Variants in ZNF839 observed in about 807,000 individuals in gnomAD.
ZNF839 encodes the protein renal carcinoma antigen NY-REN-50.
In ZNF839, 38 loss-of-function variants were observed where a neutral mutation model predicts 56.4. The ratio of observed to expected loss-of-function variants is 0.67; its 90% CI spans 0.52 to 0.88. ZNF839 has a LOEUF of 0.88. Ranked by LOEUF, ZNF839 falls within the 40% of genes least tolerant of loss-of-function variation. The pLI is 0.00. For missense variants in ZNF839, 1,091 were observed against 1,177.6 expected (o/e 0.93, Z 1.08); for synonymous variants, 486 against 493.5 (o/e 0.98, Z 0.20).
intron 5 of ZNF839, chr14:102,337,430 A>G (rs1453807282): frequency 2.0e-5 from 3 of 152,156 alleles, no homozygotes; most frequent in African/African-American, 7.2e-5. Flanking sequence ...CAGCCTTCCG[A>G]AGTGCTGGGA....
chr14:102,328,497 G>A (rs2073593050), intron 2 of ZNF839, among the ~76,000 whole-genome samples: 1 of 147,894 alleles, frequency 6.8e-6, no homozygotes, highest in Non-Finnish European at 1.5e-5. Context: ...TGGTTCAGGG[G>A]TATTAAACAC....
intron 5 of ZNF839, chr14:102,337,386 C>T (rs1885889821): frequency 1.3e-5 from 2 of 152,132 alleles, no homozygotes; most frequent in South Asian, 2.1e-4. Context: ...CCAGGCTGGT[C>T]TTGAACTCCT....
At chr14:102,334,511 T>C (rs1310565453) in intron 3 of ZNF839, 43 bp from the exon 4 acceptor site, 3 of 1,456,604 alleles carry the variant, frequency 2.1e-6, no homozygotes, top group Non-Finnish European at 2.9e-6. Context: ...ATTGGGAAAT[T>C]CTTACGGGAC....
intron 7 of ZNF839, among the ~76,000 whole-genome samples, chr14:102,339,954 G>A (rs2896439): frequency 0.51 from 77,667 of 151,738 alleles, 22,365 homozygotes; most frequent in Non-Finnish European, 0.65. Context: ...CTATCAACTA[G>A]GCACTTAAAA....
At position 102,342,140 on chromosome 14, in the gene ZNF839, G is replaced by T; in HGVS notation, c.2745G>T (p.Val915=). ...IVSQEEDIVT[V]TDAEGRACGW... is the part of the protein sequence containing the mutation. ...CTCAGGAGGAGGACATTGTCACAGT[G>T]ACTGATGCAGAGGGGCGTGCCTGCG... Residue 915 remains valine (V), a synonymous_variant, in exon 8 of 8, where the codon GTG becomes GTT. Coordinates refer to ENST00000442396, the MANE Select transcript of ZNF839 (RefSeq NM_018335.6). The T allele has an allele frequency of 6.2e-7, 1 of 1,613,370 alleles. No individual in the cohort carries two copies. The highest frequency in any genetic ancestry group is 1.1e-5 in the South Asian group (1 of 91,022).
At chr14:102,320,438 C>A (rs1285221205) in intron 1 of ZNF839, among the ~76,000 whole-genome samples, 1 of 152,170 alleles carries the variant, frequency 6.6e-6, no homozygotes, top group East Asian at 1.9e-4. Context: ...GGAGGTGAAG[C>A]CTTGAACACA....
chr14:102,335,652 A>G (rs138225744), intron 4 of ZNF839, 37 bp from the exon 5 acceptor site: 1 of 1,552,722 alleles, frequency 6.4e-7, no homozygotes, highest in Non-Finnish European at 8.6e-7. Flanking sequence ...CAGTGCCTTG[A>G]GTTTAAACTT....
At chr14:102,331,956 T>A (rs1245870318) in intron 3 of ZNF839, 110 bp downstream of exon 3, 1 of 885,368 alleles carries the variant, frequency 1.1e-6, no homozygotes, top group Non-Finnish European at 1.7e-6. Context: ...GTCATTGCAT[T>A]AAGTGTGTGA....
upstream of ZNF839, among the ~76,000 whole-genome samples, chr14:102,318,426 G>A (rs998916632): frequency 2.0e-5 from 3 of 152,048 alleles, no homozygotes; most frequent in African/African-American, 4.8e-5. Flanking sequence ...TAAGGTCAGG[G>A]TTTCAAGACC....
chr14:102,326,451 G>A lies in ZNF839; in HGVS notation c.755G>A (p.Arg252Gln), dbSNP rs2073414377. The change falls in exon 2 of 8, where the codon CGG (arginine) becomes CAG (glutamine). Residue 252 changes from arginine to glutamine, a missense_variant. By Grantham distance (43) the Arg-to-Gln change is conservative. This residue lies in a region of ZNF839 where 614 missense variants were observed against 629.2 expected (regional missense o/e 0.98). Coordinates refer to ENST00000442396, the MANE Select transcript of ZNF839 (RefSeq NM_018335.6). This position sits in a 1 kb window ranked among gnomAD's most constrained non-coding sequence, Gnocchi z 4.3. ...KSLKVKTRSG[R>Q]VSRPPKYKAK... ...TTAAAAGTAAAGACACGTTCTGGAC[G>A]GGTATCTCGACCTCCCAAATATAAA... 2.5e-6 allele frequency: 4 copies of A among 1,613,934 alleles called. No homozygotes were observed. The highest frequency in any genetic ancestry group is 1.7e-5 in the Admixed American group (1 of 60,004).
At chr14:102,321,619 CG>C (rs1469931013) in intron 1 of ZNF839, among the ~76,000 whole-genome samples, 3 of 152,122 alleles carry the variant, frequency 2.0e-5, no homozygotes, top group Admixed American at 2.0e-4. Flanking sequence ...AAACCGGATG[CG>C]TACTTTGCCC....
chr14:102,319,940 C>A lies in ZNF839; in HGVS notation c.175C>A (p.Pro59Thr), dbSNP rs1011423192. 8.3e-7 allele frequency: 1 copy of A among 1,198,732 alleles called. No individual in the cohort carries two copies. The highest frequency in any genetic ancestry group is 2.9e-5 in the South Asian group (1 of 34,194). 74.3% of individuals were successfully genotyped at this position (1,198,732 alleles called of 1,614,324 possible). The change falls in exon 1 of 8, where the codon CCC becomes ACC. Residue 59 changes from proline (P) to threonine (T), a missense_variant. Pro to Thr is a conservative substitution (Grantham distance 38). Coordinates refer to ENST00000442396, the MANE Select transcript of ZNF839 (RefSeq NM_018335.6). This position sits in a 1 kb window ranked among gnomAD's most constrained non-coding sequence, Gnocchi z 4.5. ...GGCGCAGCCGCCGCCGCCGCCGCCC[C>A]CCTTCGTGCTGCGGGACGCGGCGCG... ...TKAQPPPPPPPFVLRDAARRL... is the reference protein window; with the variant it reads ...TKAQPPPPPPTFVLRDAARRL...
At position 102,332,552 on chromosome 14, in the gene ZNF839, A is replaced by G. The variant is rs1451621014; in HGVS notation, c.1416+706A>G. Among the ~76,000 whole-genome samples the G allele has an allele frequency of 6.6e-6, 1 of 152,210 alleles. No individual in the cohort carries two copies. The highest frequency in any genetic ancestry group is 2.4e-5 in the African/African-American group (1 of 41,458). On this transcript the variant is annotated intron_variant, in intron 3 of 7. Transcript: ENST00000442396. The surrounding 1 kb of genome is among the most constrained non-coding windows in gnomAD (Gnocchi z 4.9). The stretch of plus-strand genomic sequence containing the variant: ...TCTAGGGATGGAGGGGACAGTGTGC[A>G]CAAGATAGACAGGGCTCGGCTCTTA...
In ZNF839 at chr14:102,341,324, T is replaced by G. The variant is rs767423323; in HGVS notation, c.1929T>G (p.Gly643=). The G allele has an allele frequency of 5.1e-5, 78 of 1,515,714 alleles. No homozygotes were observed. The highest frequency in any genetic ancestry group is 6.6e-5 in the Non-Finnish European group (75 of 1,132,494). The allele number at this position is 1,515,714 out of a possible 1,614,324, so 93.9% of individuals were successfully genotyped here. Residue 643 remains glycine (G), a splice_region_variant and synonymous_variant, in exon 8 of 8, where the codon GGT becomes GGG. Transcript: ENST00000442396. The stretch of plus-strand genomic sequence containing the variant: ...TCACCTGTTTCCCAAAATGTTTAGG[T>G]TTTTCCCCTCCAGTAAATGTGACTG... ...KPRPLHALAA[G]FSPPVNVTVS...
At position 102,319,772 on chromosome 14, in the gene ZNF839, G is replaced by C; in HGVS notation, c.7G>C (p.Asp3His). 8.1e-7 allele frequency: 1 copy of C among 1,230,876 alleles called. No individual in the cohort carries two copies. Among genetic ancestry groups the C allele is most frequent in the Non-Finnish European group, 1.0e-6 (1 of 987,100 alleles). The allele number at this position is 1,230,876 out of a possible 1,614,324, so 76.2% of individuals were successfully genotyped here. A position where few individuals can be genotyped will look rare whatever the true frequency, so the allele number is the denominator to read the frequency against. Reference sequence around the variant, plus strand: ...AGTCCCCGCCTCGGCCGCCATGGCGGATGCGGAGCCGGAGGCTGGGGGCGG... The same window carrying C: ...AGTCCCCGCCTCGGCCGCCATGGCGCATGCGGAGCCGGAGGCTGGGGGCGG... The part of the protein sequence containing the change: MA[D>H]AEPEAGGGSE... Residue 3 changes from aspartate to histidine, a missense_variant, in exon 1 of 8, where the codon GAT becomes CAT. This residue lies in a region of ZNF839 where 614 missense variants were observed against 629.2 expected (regional missense o/e 0.98). Transcript: ENST00000442396. This position sits in a 1 kb window ranked among gnomAD's most constrained non-coding sequence, Gnocchi z 4.5.
At position 102,319,758 on chromosome 14, in the gene ZNF839, C is replaced by T. The variant is rs2073015347; in HGVS notation, c.-8C>T. ...GCGACCCGGGTTCGAGTCCCCGCCTCGGCCGCCATGGCGGATGCGGAGCCG... is the reference window on the plus strand; with the variant it reads ...GCGACCCGGGTTCGAGTCCCCGCCTTGGCCGCCATGGCGGATGCGGAGCCG... On this transcript the variant is annotated 5_prime_UTR_variant, in exon 1 of 8. Coordinates refer to ENST00000442396, the MANE Select transcript of ZNF839 (RefSeq NM_018335.6). This position sits in a 1 kb window ranked among gnomAD's most constrained non-coding sequence, Gnocchi z 4.5. 8.1e-7 allele frequency: 1 copy of T among 1,229,478 alleles called. No homozygotes were observed. The highest frequency in any genetic ancestry group is 4.1e-5 in the South Asian group (1 of 24,680). The allele number at this position is 1,229,478 out of a possible 1,614,324, so 76.2% of individuals were successfully genotyped here. A position where few individuals can be genotyped will look rare whatever the true frequency, so the allele number is the denominator to read the frequency against.
chr14:102,325,834 A>G (rs1170980204), intron 1 of ZNF839, 151 bp from the exon 2 acceptor site: 1 of 929,038 alleles, frequency 1.1e-6, no homozygotes, highest in Non-Finnish European at 1.6e-6. Flanking sequence ...TCTGGAAAAT[A>G]CCACCTTAGT....
At chr14:102,330,175 A>G (rs1455974821) in intron 2 of ZNF839, among the ~76,000 whole-genome samples, 1 of 151,804 alleles carries the variant, frequency 6.6e-6, no homozygotes, top group African/African-American at 2.4e-5. Context: ...TAGGTTATTC[A>G]TGTTGTTCAG....
intron 7 of ZNF839, 100 bp from the exon 8 acceptor site, chr14:102,341,223 C>A: frequency 1.5e-6 from 2 of 1,376,026 alleles, no homozygotes; most frequent in Non-Finnish European, 1.9e-6. Flanking sequence ...GACTTTTCTG[C>A]AGGGCAGGTG....
Sources: allele counts gnomAD v4.1 joint callset (sites outside exome capture counted in the v4.1 genomes callset), GRCh38; gene constraint gnomAD v4.1.1; regional missense constraint gnomAD v4.1.1; non-coding constraint Gnocchi (gnomAD v3.1); transcripts MANE v1.5; gene names NCBI Gene and HGNC (gene_info 2026-07-23, HGNC 2026-07-21).